FGL2: variants seen among roughly 807,000 people sequenced by gnomAD.
The protein encoded by FGL2 is fibroleukin.
FGL2 carries 21 observed loss-of-function variants against 36.0 expected under a neutral mutation model. The ratio of observed to expected loss-of-function variants is 0.58; its 90% confidence interval spans 0.41 to 0.84. The LOEUF (loss-of-function observed/expected upper bound fraction) is 0.84, where lower values mean the gene tolerates loss of function less well. Ranked by LOEUF, FGL2 falls within the 40% of genes least tolerant of loss-of-function variation. The probability of loss-of-function intolerance (pLI) is 0.00; values close to 1 mark genes in which losing one functional copy is unlikely to be tolerated. For missense variants in FGL2, 444 were observed against 526.3 expected, an observed-to-expected ratio of 0.84 and a Z score of 1.53; for synonymous variants, 183 against 190.7, an observed-to-expected ratio of 0.96 and a Z score of 0.33.
chr7:77,199,251 T>C lies in FGL2; in HGVS notation c.543A>G (p.Thr181=), dbSNP rs748054352. 6.2e-7 allele frequency: 1 copy of C among 1,614,024 alleles called. No homozygotes were observed. The highest frequency in any genetic ancestry group is 1.7e-5 in the Admixed American group (1 of 60,020). The stretch of plus-strand genomic sequence containing the variant: ...TGCCATCCAAACTATTGACAACAAA[T>C]GTTAGATTTGCCACTTTGCTGTCAA... The part of the protein sequence containing the change: ...NYVDSKVANL[T]FVVNSLDGKC... The change falls in exon 1 of 2, where the codon ACA becomes ACG. Residue 181 remains threonine (T), a synonymous_variant. Transcript: ENST00000248598.
rs1055272149 is a variant in FGL2, at chr7:77,193,680, A to C, written c.*2599T>G. On this transcript the variant is annotated 3_prime_UTR_variant, in exon 2 of 2. Transcript: ENST00000248598. ...CATTTGGAGCATTACTATTATCAGTAAAATTTGATTTTTTTTTCCCCTCAG... is the reference window on the plus strand; with the variant it reads ...CATTTGGAGCATTACTATTATCAGTCAAATTTGATTTTTTTTTCCCCTCAG... The C allele has an allele frequency of 6.6e-6, 1 of 152,136 alleles. No individual in the cohort carries two copies. The highest frequency in any genetic ancestry group is 6.5e-5 in the Admixed American group (1 of 15,276). 9.4% of individuals were successfully genotyped at this position (152,136 alleles called of 1,614,324 possible).
Position 77,199,371 on chromosome 7 carries a change from G to A in FGL2, c.423C>T (p.Ser141=). Residue 141 remains serine (S), a synonymous_variant, in exon 1 of 2, where the codon TCC becomes TCT. Transcript: ENST00000248598. ...CCTCTTTGGCATTCTTTAGCTCAGA[G>A]GACAGCTTGTTAACCTCACTCTCTA... ...RELESEVNKL[S]SELKNAKEEI... 6.2e-7 allele frequency: 1 copy of A among 1,614,078 alleles called. No individual in the cohort carries two copies. The highest frequency in any genetic ancestry group is 8.5e-7 in the Non-Finnish European group (1 of 1,179,988).
intron 1 of FGL2, among the ~76,000 whole-genome samples, chr7:77,197,230 C>T (rs774607744): frequency 6.6e-5 from 10 of 152,122 alleles, no homozygotes; most frequent in African/African-American, 1.4e-4. Flanking sequence ...CAACAGCAAA[C>T]GACAATAAGA....
Position 77,193,607 on chromosome 7 carries a change from T to G in FGL2, c.*2672A>C, listed in dbSNP as rs1409516705. 2.6e-5 allele frequency: 4 copies of G among 152,180 alleles called. No homozygotes were observed. The highest frequency in any genetic ancestry group is 4.4e-5 in the Non-Finnish European group (3 of 68,006). 9.4% of individuals were successfully genotyped at this position (152,180 alleles called of 1,614,324 possible). A position where few individuals can be genotyped will look rare whatever the true frequency, so the allele number is the denominator to read the frequency against. On this transcript the variant is annotated 3_prime_UTR_variant, in exon 2 of 2. Transcript: ENST00000248598. Reference sequence around the variant, plus strand: ...AGTTTTGTTGCCCAGATTTCTTATGTTTTGTATATTTAAGCTCTTTATTTA... The same window carrying G: ...AGTTTTGTTGCCCAGATTTCTTATGGTTTGTATATTTAAGCTCTTTATTTA...
Position 77,196,695 on chromosome 7 carries a change from T to G in FGL2, c.904A>C (p.Ile302Leu). 1 of 1,614,248 alleles carries G rather than the reference T, an allele frequency of 6.2e-7. No homozygotes were observed. The highest frequency in any genetic ancestry group is 1.1e-5 in the South Asian group (1 of 91,092). The change falls in exon 2 of 2, where the codon ATA (isoleucine) becomes CTA (leucine). Residue 302 changes from isoleucine (I) to leucine (L), a missense_variant. Coordinates refer to ENST00000248598, the MANE Select transcript of FGL2 (RefSeq NM_006682.3). This position sits in a 1 kb window ranked among gnomAD's most constrained non-coding sequence, Gnocchi z 4.2. ...LTKSKEMILRIDLEDFNGVEL... is the reference protein window; with the variant it reads ...LTKSKEMILRLDLEDFNGVEL... The stretch of plus-strand genomic sequence containing the variant: ...ACACCATTAAAGTCTTCAAGATCTA[T>G]TCTCAGAATCATTTCCTTACTCTTG...
Position 77,196,205 on chromosome 7 carries a change from G to C in FGL2, c.*74C>G. 9.6e-7 allele frequency: 1 copy of C among 1,043,074 alleles called. No homozygotes were observed. Among genetic ancestry groups the C allele is most frequent in the Non-Finnish European group, 1.4e-6 (1 of 716,684 alleles). 64.6% of individuals were successfully genotyped at this position (1,043,074 alleles called of 1,614,324 possible). On this transcript the variant is annotated 3_prime_UTR_variant, in exon 2 of 2. Transcript: ENST00000248598. The surrounding 1 kb of genome is among the most constrained non-coding windows in gnomAD (Gnocchi z 4.2). Reference sequence around the variant, plus strand: ...TTTAGCTATGAAAAATATGAAACAAGGCATATTCTAAAGTGCTGAAGGAAT... The same window carrying C: ...TTTAGCTATGAAAAATATGAAACAACGCATATTCTAAAGTGCTGAAGGAAT...
rs1162833922 is a variant in FGL2, at chr7:77,195,209, G to A, written c.*1070C>T. ...TACCAGTAGTCTAGTACAGTAGTGA[G>A]CAATCTTAAATTAAAAGCTATTGTT... On this transcript the variant is annotated 3_prime_UTR_variant, in exon 2 of 2. Coordinates refer to ENST00000248598, the MANE Select transcript of FGL2 (RefSeq NM_006682.3). 6.9e-6 allele frequency: 1 copy of A among 144,286 alleles called. No individual in the cohort carries two copies. The highest frequency in any genetic ancestry group is 2.5e-5 in the African/African-American group (1 of 39,444). 8.9% of individuals were successfully genotyped at this position (144,286 alleles called of 1,614,324 possible).
intron 1 of FGL2, among the ~76,000 whole-genome samples, chr7:77,197,668 T>C (rs140948375): frequency 5.3e-5 from 8 of 152,334 alleles, no homozygotes; most frequent in African/African-American, 1.9e-4. Flanking sequence ...GTTAAAATCC[T>C]AATGCATAGG....
chr7:77,196,095 A>G lies in FGL2; in HGVS notation c.*184T>C. 4 of 562,986 alleles carry G rather than the reference A, an allele frequency of 7.1e-6. No homozygotes were observed. The highest frequency in any genetic ancestry group is 3.3e-5 in the Admixed American group (1 of 30,668). 34.9% of individuals were successfully genotyped at this position (562,986 alleles called of 1,614,324 possible). A position where few individuals can be genotyped will look rare whatever the true frequency, so the allele number is the denominator to read the frequency against. On this transcript the variant is annotated 3_prime_UTR_variant, in exon 2 of 2. Coordinates refer to ENST00000248598, the MANE Select transcript of FGL2 (RefSeq NM_006682.3). The surrounding 1 kb of genome is among the most constrained non-coding windows in gnomAD (Gnocchi z 4.2). The stretch of plus-strand genomic sequence containing the variant: ...GTGTTCATTGGATAACAGCATAACA[A>G]CAAAGGACTCCTTTAAAATGCATTG...
At position 77,199,199 on chromosome 7, in the gene FGL2, G is replaced by C. The variant is rs1460861452; in HGVS notation, c.595C>G (p.Gln199Glu). The C allele has an allele frequency of 1.8e-5, 29 of 1,613,564 alleles. No homozygotes were observed. Among genetic ancestry groups the C allele is most frequent in the Non-Finnish European group, 2.4e-5 (28 of 1,179,752 alleles). Residue 199 changes from glutamine (Q) to glutamate (E), a missense_variant, in exon 1 of 2, where the codon CAA (glutamine) becomes GAA (glutamate). Transcript: ENST00000248598. Reference sequence around the variant, plus strand: ...TACATACCTGGACGTGACTGTATTTGTTCTTGGCTGGGACACTTTGAACAT... The same window carrying C: ...TACATACCTGGACGTGACTGTATTTCTTCTTGGCTGGGACACTTTGAACAT... ...GKCSKCPSQE[Q>E]IQSRPVQHLI...
chr7:77,199,818 A>G lies in FGL2; in HGVS notation c.-25T>C. 6.2e-7 allele frequency: 1 copy of G among 1,603,926 alleles called. No homozygotes were observed. Among genetic ancestry groups the G allele is most frequent in the Non-Finnish European group, 8.5e-7 (1 of 1,173,796 alleles). Reference sequence around the variant, plus strand: ...TCTTTACAGTGCTGCTCACCCCAGCAGGGAGTGCGCAGGGCTGGAGCTGCT... The same window carrying G: ...TCTTTACAGTGCTGCTCACCCCAGCGGGGAGTGCGCAGGGCTGGAGCTGCT... On this transcript the variant is annotated 5_prime_UTR_variant, in exon 1 of 2. Transcript: ENST00000248598.
At position 77,199,457 on chromosome 7, in the gene FGL2, C is replaced by G. The variant is rs770972258; in HGVS notation, c.337G>C (p.Gly113Arg). Residue 113 changes from glycine (G) to arginine (R), a missense_variant, in exon 1 of 2, where the codon GGA becomes CGA. By Grantham distance (125) the Gly-to-Arg change is moderately radical. Coordinates refer to ENST00000248598, the MANE Select transcript of FGL2 (RefSeq NM_006682.3). ...GCTCCTGTACTGGGTAACAACAGTC[C>G]GTTTCTGCCTGGGTCTCCGTTGTCA... ...ADDNGDPGRN[G>R]LLLPSTGAPG... 1 of 1,613,966 alleles carries G rather than the reference C, an allele frequency of 6.2e-7. No homozygotes were observed. The highest frequency in any genetic ancestry group is 1.3e-5 in the African/African-American group (1 of 74,894).
intron 1 of FGL2, chr7:77,198,154 A>G (rs917519351): frequency 6.0e-5 from 59 of 985,334 alleles, no homozygotes; most frequent in Non-Finnish European, 6.9e-5. Context: ...GCAGTGTGCC[A>G]GGTACATTCA....
In FGL2 at chr7:77,199,545, T is replaced by G; in HGVS notation, c.249A>C (p.Gln83His). 1 of 1,614,166 alleles carries G rather than the reference T, an allele frequency of 6.2e-7. No individual in the cohort carries two copies. Among genetic ancestry groups the G allele is most frequent in the Non-Finnish European group, 8.5e-7 (1 of 1,180,016 alleles). Residue 83 changes from glutamine to histidine, a missense_variant, in exon 1 of 2, where the codon CAA becomes CAC. Physicochemically the swap from Gln to His is conservative, Grantham distance 24 (BLOSUM62 0). Transcript: ENST00000248598. ...GACTATTTACGATTTCCTTGAGGTT[T>G]TGGACTTCTTTGAACACCTCCTCGA... Reference protein sequence around the residue: ...SRIEEVFKEVQNLKEIVNSLK... With the variant: ...SRIEEVFKEVHNLKEIVNSLK...
At chr7:77,198,853 A>G (rs1470283677) in intron 1 of FGL2, 2 of 361,316 alleles carry the variant, frequency 5.5e-6, no homozygotes, top group African/African-American at 2.1e-5. Flanking sequence ...TATTGTTTTC[A>G]AACACCTCAT....
Position 77,196,033 on chromosome 7 carries a change from C to A in FGL2, c.*246G>T. Reference sequence around the variant, plus strand: ...AATAGAAATTAAAAGAATTGTAAATCTAATGTATAATTCTCAATATTGCTA... The same window carrying A: ...AATAGAAATTAAAAGAATTGTAAATATAATGTATAATTCTCAATATTGCTA... On this transcript the variant is annotated 3_prime_UTR_variant, in exon 2 of 2. Coordinates refer to ENST00000248598, the MANE Select transcript of FGL2 (RefSeq NM_006682.3). The surrounding 1 kb of genome is among the most constrained non-coding windows in gnomAD (Gnocchi z 4.2). The A allele has an allele frequency of 2.4e-6, 1 of 417,030 alleles. No homozygotes were observed. The allele number at this position is 417,030 out of a possible 1,614,324, so 25.8% of individuals were successfully genotyped here.
chr7:77,196,916 CTG>C lies in FGL2; in HGVS notation c.681_682del (p.Tyr227Ter). ...ACTATTTTTGGGATCAGGTGTAACT[CTG>C]TAGGTCTCACTGCTTCTTTTGCCTA... On this transcript the variant is annotated stop_gained and frameshift_variant, in exon 2 of 2. Coordinates refer to ENST00000248598, the MANE Select transcript of FGL2 (RefSeq NM_006682.3). LOFTEE classifies it high-confidence loss of function. This position sits in a 1 kb window ranked among gnomAD's most constrained non-coding sequence, Gnocchi z 4.2. 6.2e-7 allele frequency: 1 copy of C among 1,613,832 alleles called. No homozygotes were observed. The highest frequency in any genetic ancestry group is 8.5e-7 in the Non-Finnish European group (1 of 1,179,928).
chr7:77,198,387 A>T (rs1308660063), intron 1 of FGL2: 1 of 918,618 alleles, frequency 1.1e-6, no homozygotes, highest in African/African-American at 1.8e-5. Context: ...GGTCCCAGTG[A>T]CTCAGGTGAA....
Position 77,199,310 on chromosome 7 carries a change from T to C in FGL2, c.484A>G (p.Asn162Asp). 1 of 1,614,156 alleles carries C rather than the reference T, an allele frequency of 6.2e-7. No homozygotes were observed. Among genetic ancestry groups the C allele is most frequent in the Non-Finnish European group, 8.5e-7 (1 of 1,180,018 alleles). ...NVLHGRLEKLNLVNMNNIENY... is the reference protein window; with the variant it reads ...NVLHGRLEKLDLVNMNNIENY... ...TCTATGTTGTTCATATTTACAAGAT[T>C]CAGCTTCTCCAGGCGACCATGAAGT... Residue 162 changes from asparagine to aspartate, a missense_variant, in exon 1 of 2, where the codon AAT (asparagine) becomes GAT (aspartate). Asn to Asp is a conservative substitution (Grantham distance 23). Transcript: ENST00000248598.
Sources: allele counts gnomAD v4.1 joint callset (sites outside exome capture counted in the v4.1 genomes callset), GRCh38; gene constraint gnomAD v4.1.1; non-coding constraint Gnocchi (gnomAD v3.1); transcripts MANE v1.5; gene names NCBI Gene and HGNC (gene_info 2026-07-23, HGNC 2026-07-21).